The following ADAMTSL1 variants were observed in gnomAD, a reference collection of about 807,000 sequenced individuals.
ADAMTSL1 encodes ADAMTS-like protein 1.
A neutral mutation model predicts 201.8 loss-of-function variants in ADAMTSL1; 126 were observed. The observed-to-expected ratio is 0.62, with a 90% CI of 0.54 to 0.72. The LOEUF (loss-of-function observed/expected upper bound fraction) is 0.72, where lower values mean the gene tolerates loss of function less well. ADAMTSL1 is among the 30% of genes least tolerant of loss of function. The pLI is 0.00. For missense variants in ADAMTSL1, 2,679 were observed against 2,277.8 expected, an observed-to-expected ratio of 1.18 and a Z score of -3.59; for synonymous variants, 1,121 against 903.4, an observed-to-expected ratio of 1.24 and a Z score of -4.32.
intron 2 of ADAMTSL1, among the ~76,000 whole-genome samples, chr9:18,171,171 T>C (rs1827871803): frequency 6.6e-6 from 1 of 151,912 alleles, no homozygotes; most frequent in Admixed American, 6.6e-5. Flanking sequence ...GATAGACAAA[T>C]AGAACAACAT....
intron 23 of ADAMTSL1, among the ~76,000 whole-genome samples, chr9:18,857,356 T>C (rs1378019638): frequency 6.6e-6 from 1 of 152,262 alleles, no homozygotes; most frequent in African/African-American, 2.4e-5. Flanking sequence ...ATGTCCCTTC[T>C]GTTTCTTCAA....
chr9:18,098,903 C>G (rs1824368217), intron 1 of ADAMTSL1, among the ~76,000 whole-genome samples: 1 of 152,118 alleles, frequency 6.6e-6, no homozygotes. Context: ...AACAAAGATC[C>G]AGGTCAATTC....
intron 2 of ADAMTSL1, among the ~76,000 whole-genome samples, chr9:18,270,501 C>G (rs1027688099): frequency 6.6e-6 from 1 of 152,114 alleles, no homozygotes; most frequent in Non-Finnish European, 1.5e-5. Flanking sequence ...TTGATAAGGT[C>G]TTTATAAAAT....
At chr9:18,604,875 A>G (rs975079817) in intron 4 of ADAMTSL1, among the ~76,000 whole-genome samples, 1 of 152,186 alleles carries the variant, frequency 6.6e-6, no homozygotes, top group East Asian at 1.9e-4. Flanking sequence ...CATTCCCACC[A>G]GTTCTGCCTC....
chr9:18,727,586 T>C (rs554264072), intron 15 of ADAMTSL1, among the ~76,000 whole-genome samples: 3 of 152,372 alleles, frequency 2.0e-5, no homozygotes, highest in Admixed American at 2.0e-4. Context: ...GGGACTGTAT[T>C]GGCCCAGTGA....
chr9:18,878,860 G>T (rs1588293012), intron 23 of ADAMTSL1, among the ~76,000 whole-genome samples: 1 of 152,148 alleles, frequency 6.6e-6, no homozygotes, highest in East Asian at 1.9e-4. Flanking sequence ...TGGAGGAGAG[G>T]CCACAAGGAG....
chr9:18,084,999 A>G (rs1823679592), intron 1 of ADAMTSL1, among the ~76,000 whole-genome samples: 1 of 152,156 alleles, frequency 6.6e-6, no homozygotes, highest in Non-Finnish European at 1.5e-5. Context: ...ATTTGAGCAA[A>G]CCATGTGGGT....
chr9:18,516,876 C>A (rs1203903305), intron 2 of ADAMTSL1, among the ~76,000 whole-genome samples: 1 of 152,178 alleles, frequency 6.6e-6, no homozygotes, highest in Non-Finnish European at 1.5e-5. Flanking sequence ...AACTGCTCTT[C>A]ATATAAATGG....
chr9:18,382,543 G>A (rs1837601173), intron 2 of ADAMTSL1, among the ~76,000 whole-genome samples: 1 of 151,816 alleles, frequency 6.6e-6, no homozygotes, highest in Non-Finnish European at 1.5e-5. Context: ...TGTTTGTTTT[G>A]GAGAACCTCT....
chr9:18,566,929 T>C (rs1021756441), intron 3 of ADAMTSL1, among the ~76,000 whole-genome samples: 2 of 152,070 alleles, frequency 1.3e-5, no homozygotes, highest in African/African-American at 2.4e-5. Context: ...TATAGAAAAA[T>C]AGTTCTGATG....
At position 18,342,432 on chromosome 9, in the gene ADAMTSL1, C is replaced by T. The variant is rs565738118; in HGVS notation, c.208-162397C>T. Among the ~76,000 whole-genome samples, 18 of 152,172 alleles carry T rather than the reference C, an allele frequency of 1.2e-4. No homozygotes were observed. In the South Asian group the frequency reaches 3.5e-3, roughly 30 times the overall value. On this transcript the variant is annotated intron_variant, in intron 2 of 29. Coordinates refer to the ADAMTSL1 transcript ENST00000680146. ...GCTACACAAATGGCAAAGAGAGTAG[C>T]ATGGCAAAAGGACTAAGAGGAGGGT... is the stretch of plus-strand genomic sequence containing the variant.
chr9:18,004,955 T>C (rs996901640), intron 1 of ADAMTSL1, among the ~76,000 whole-genome samples: 5 of 152,128 alleles, frequency 3.3e-5, no homozygotes, highest in Non-Finnish European at 7.4e-5. Context: ...ATGCTGACTA[T>C]GTGTTAAGCA....
intron 2 of ADAMTSL1, among the ~76,000 whole-genome samples, chr9:18,391,134 G>A (rs1223397953): frequency 6.6e-6 from 1 of 152,162 alleles, no homozygotes; most frequent in Admixed American, 6.5e-5. Flanking sequence ...GTGCCTGGAG[G>A]AGGGAAATCT....
Position 18,910,784 on chromosome 9 carries a change from G to A in ADAMTSL1, c.*2236G>A, listed in dbSNP as rs899078126. 10 of 152,180 alleles carry A rather than the reference G, an allele frequency of 6.6e-5. No homozygotes were observed. Among genetic ancestry groups the A allele is most frequent in the African/African-American group, 1.9e-4 (8 of 41,432 alleles). The allele number at this position is 152,180 out of a possible 1,614,324, so 9.4% of individuals were successfully genotyped here. A position where few individuals can be genotyped will look rare whatever the true frequency, so the allele number is the denominator to read the frequency against. ...GGTTTGGGTGGGAAGCAGAATGCTC[G>A]TTGCATGAAATGAATGTACATTTAA... On this transcript the variant is annotated 3_prime_UTR_variant, in exon 29 of 29. Transcript: ENST00000380548.
chr9:18,813,123 C>T (rs1191004775), intron 20 of ADAMTSL1, among the ~76,000 whole-genome samples: 12 of 151,992 alleles, frequency 7.9e-5, no homozygotes, highest in African/African-American at 1.2e-4. Flanking sequence ...TGTGCCACCA[C>T]GCCCAGCTAA....
chr9:17,936,281 T>G (rs1445501736), intron 1 of ADAMTSL1, among the ~76,000 whole-genome samples: 1 of 152,182 alleles, frequency 6.6e-6, no homozygotes, highest in East Asian at 1.9e-4. Context: ...TTACTTATGC[T>G]TTAAAAAAAA....
intron 7 of ADAMTSL1, among the ~76,000 whole-genome samples, chr9:18,653,941 C>G (rs1828459325): frequency 6.6e-6 from 1 of 152,176 alleles, no homozygotes; most frequent in African/African-American, 2.4e-5. Context: ...AGAAAGTGCT[C>G]TTGGGGTTGG....
In ADAMTSL1 at chr9:18,639,404, T is replaced by C; in HGVS notation, c.827T>C (p.Ile276Thr). The change falls in exon 7 of 29, where the codon ATT becomes ACT. Residue 276 changes from isoleucine to threonine, a missense_variant. Coordinates refer to ENST00000380548, the MANE Select transcript of ADAMTSL1 (RefSeq NM_001040272.6). ...RMAGPLTADFIVKIRNSGSAD... is the reference protein window; with the variant it reads ...RMAGPLTADFTVKIRNSGSAD... ...GCTGGACCACTCACAGCAGATTTCA[T>C]TGTCAAGGTGAGCCCTATTTAGATA... 1 of 1,612,312 alleles carries C rather than the reference T, an allele frequency of 6.2e-7. No homozygotes were observed. The highest frequency in any genetic ancestry group is 8.5e-7 in the Non-Finnish European group (1 of 1,178,884).
intron 1 of ADAMTSL1, among the ~76,000 whole-genome samples, chr9:18,065,701 C>T (rs1822661905): frequency 6.6e-6 from 1 of 152,116 alleles, no homozygotes; most frequent in African/African-American, 2.4e-5. Context: ...TTAGAAAGGG[C>T]CAGGCGCGGT....
Sources: allele counts gnomAD v4.1 joint callset (sites outside exome capture counted in the v4.1 genomes callset), GRCh38; gene constraint gnomAD v4.1.1; transcripts MANE v1.5; gene names NCBI Gene and HGNC (gene_info 2026-07-23, HGNC 2026-07-21).